ZNF250: variants seen among roughly 807,000 people sequenced by gnomAD.
The protein encoded by ZNF250 is zinc finger protein (clone 647).
A neutral mutation model predicts 37.1 loss-of-function variants in ZNF250; 13 were observed. That is an observed-to-expected ratio of 0.35 (90% CI 0.23 to 0.56). The LOEUF (loss-of-function observed/expected upper bound fraction) is 0.56, where lower values mean the gene tolerates loss of function less well. Ranked by LOEUF, ZNF250 falls within the 20% of genes least tolerant of loss-of-function variation. ZNF250 has a pLI of 0.87. For synonymous variants in ZNF250, 251 were observed against 265.6 expected, an observed-to-expected ratio of 0.94 and a Z score of 0.54; for missense variants, 474 against 697.9, an observed-to-expected ratio of 0.68 and a Z score of 3.61.
Position 144,876,999 on chromosome 8 carries a change from G to GAAAT in ZNF250, c.*4512_*4515dup, listed in dbSNP as rs1052524566. 1.3e-5 allele frequency: 2 copies of GAAAT among 152,322 alleles called. No individual in the cohort carries two copies. Among genetic ancestry groups the GAAAT allele is most frequent in the African/African-American group, 4.8e-5 (2 of 41,572 alleles). The allele number at this position is 152,322 out of a possible 1,614,324, so 9.4% of individuals were successfully genotyped here. ...ATTGGAAAGCGTCAGATTATACACA[G>GAAAT]AAATTCCAGGCAGACTAAAATGTTT... On this transcript the variant is annotated 3_prime_UTR_variant, in exon 6 of 6. Coordinates refer to ENST00000417550, the MANE Select transcript of ZNF250 (RefSeq NM_001109689.4).
chr8:144,890,318 G>A lies in ZNF250; in HGVS notation c.32C>T (p.Ala11Val). 1 of 1,515,364 alleles carries A rather than the reference G, an allele frequency of 6.6e-7. No individual in the cohort carries two copies. The highest frequency in any genetic ancestry group is 1.4e-5 in the African/African-American group (1 of 72,136). The allele number at this position is 1,515,364 out of a possible 1,614,324, so 93.9% of individuals were successfully genotyped here. MAAARLLPVP[A>V]GPQAKLTFED... ...CTGGGGACAGCTTACCTGGGGTCCT[G>A]CCGGCACTGGCAGGAGTCTGGCTGC... Residue 11 changes from alanine (A) to valine (V), a missense_variant, in exon 2 of 6, where the codon GCA (alanine) becomes GTA (valine). Around this residue, in one of 2 missense-constraint regions of ZNF250, gnomAD observed 192 missense variants for 227.5 expected, o/e 0.84. Transcript: ENST00000417550. This position sits in a 1 kb window ranked among gnomAD's most constrained non-coding sequence, Gnocchi z 5.1.
In ZNF250 at chr8:144,891,927, AG is replaced by A. The variant is rs769478967; in HGVS notation, c.-54-1525del. Among the ~76,000 whole-genome samples the A allele has an allele frequency of 9.9e-5, 15 of 152,220 alleles. No individual in the cohort carries two copies. Among genetic ancestry groups the A allele is most frequent in the Non-Finnish European group, 2.1e-4 (14 of 68,040 alleles). On this transcript the variant is annotated intron_variant, in intron 1 of 5. Transcript: ENST00000417550. This position sits in a 1 kb window ranked among gnomAD's most constrained non-coding sequence, Gnocchi z 4.0. ...GTAATCCCAACTACTCAGGAGGCTAAGGCAGGAGAATCACTTGAACCCAGGA... is the reference window on the plus strand; with the variant it reads ...GTAATCCCAACTACTCAGGAGGCTAAGCAGGAGAATCACTTGAACCCAGGA...
intron 1 of ZNF250, among the ~76,000 whole-genome samples, chr8:144,896,294 C>T (rs976693327): frequency 6.6e-6 from 1 of 151,838 alleles, no homozygotes; most frequent in African/African-American, 2.4e-5. Flanking sequence ...CTGCAGTAAG[C>T]TGTAACTGCA....
chr8:144,879,316 C>A lies in ZNF250; in HGVS notation c.*2199G>T, dbSNP rs1563870379. On this transcript the variant is annotated 3_prime_UTR_variant, in exon 6 of 6. Transcript: ENST00000417550. ...CAAGTTAACCAATCAGTTACCAGTT[C>A]CTCTCTGGAGTTAATAATTCACTGT... The A allele has an allele frequency of 6.6e-6, 1 of 152,254 alleles. No individual in the cohort carries two copies. Among genetic ancestry groups the A allele is most frequent in the Non-Finnish European group, 1.5e-5 (1 of 68,058 alleles). The allele number at this position is 152,254 out of a possible 1,614,324, so 9.4% of individuals were successfully genotyped here.
chr8:144,892,429 A>AAGCCAGAC (rs1832409507), intron 1 of ZNF250, among the ~76,000 whole-genome samples: 1 of 152,238 alleles, frequency 6.6e-6, no homozygotes, highest in Non-Finnish European at 1.5e-5. Flanking sequence ...GGAACAGATG[A>AAGCCAGAC]AGCCAGACAG....
At position 144,877,252 on chromosome 8, in the gene ZNF250, A is replaced by G. The variant is rs1463829795; in HGVS notation, c.*4263T>C. On this transcript the variant is annotated 3_prime_UTR_variant, in exon 6 of 6. Transcript: ENST00000417550. ...CAGGCGCAAGCCACAACACCCAGCT[A>G]ATTTTTTTTTTGTAGAGACGGGTTT... The G allele has an allele frequency of 6.6e-6, 1 of 152,012 alleles. No homozygotes were observed. The highest frequency in any genetic ancestry group is 1.5e-5 in the Non-Finnish European group (1 of 68,010). 9.4% of individuals were successfully genotyped at this position (152,012 alleles called of 1,614,324 possible).
chr8:144,888,597 A>AGC (rs1563889618), intron 4 of ZNF250, among the ~76,000 whole-genome samples: 13 of 114,598 alleles, frequency 1.1e-4, no homozygotes, highest in Non-Finnish European at 1.4e-4. Context: ...GACTGTCTCA[A>AGC]AAAAAAAAAA....
intron 4 of ZNF250, among the ~76,000 whole-genome samples, chr8:144,887,417 G>A (rs188907376): frequency 2.7e-3 from 409 of 152,186 alleles, no homozygotes; most frequent in Non-Finnish European, 4.9e-3. Context: ...TCTACTCCTC[G>A]CTTGCTCTGA....
rs1360010591 is a variant in ZNF250, at chr8:144,901,146, G to C, written c.-55+253C>G. Among the ~76,000 whole-genome samples the C allele has an allele frequency of 6.6e-6, 1 of 152,126 alleles. No individual in the cohort carries two copies. Among genetic ancestry groups the C allele is most frequent in the Non-Finnish European group, 1.5e-5 (1 of 68,000 alleles). On this transcript the variant is annotated intron_variant, in intron 1 of 5. Transcript: ENST00000417550. This position sits in a 1 kb window ranked among gnomAD's most constrained non-coding sequence, Gnocchi z 5.4. ...GACCGAGGCCGTCCGAGGCGGACGG[G>C]GGTGCGGGAGGGCCTGAGGGGGTCC...
rs1164966874 is a variant in ZNF250 at position 144,890,275 on chromosome 8, G to A, written c.42+33C>T. The A allele has an allele frequency of 1.3e-6, 2 of 1,548,696 alleles. No homozygotes were observed. Among genetic ancestry groups the A allele is most frequent in the African/African-American group, 1.4e-5 (1 of 73,714 alleles). ...CGGAAGGAACCACAGGGCTCGGGCT[G>A]GGGGCACTGCATAAGCACTGGGGAC... On this transcript the variant is annotated intron_variant, in intron 2 of 5. Transcript: ENST00000417550. This position sits in a 1 kb window ranked among gnomAD's most constrained non-coding sequence, Gnocchi z 5.1.
At chr8:144,893,284 C>T (rs1376350322) in intron 1 of ZNF250, among the ~76,000 whole-genome samples, 1 of 152,166 alleles carries the variant, frequency 6.6e-6, no homozygotes, top group Non-Finnish European at 1.5e-5. Flanking sequence ...GCCTTCTCTC[C>T]TGCCACACCC....
In ZNF250 at chr8:144,890,276, G is replaced by T; in HGVS notation, c.42+32C>A. The T allele has an allele frequency of 1.3e-6, 2 of 1,551,498 alleles. No individual in the cohort carries two copies. Among genetic ancestry groups the T allele is most frequent in the Non-Finnish European group, 1.7e-6 (2 of 1,142,890 alleles). On this transcript the variant is annotated intron_variant, in intron 2 of 5. Coordinates refer to ENST00000417550, the MANE Select transcript of ZNF250 (RefSeq NM_001109689.4). The surrounding 1 kb of genome is among the most constrained non-coding windows in gnomAD (Gnocchi z 5.1). ...GGAAGGAACCACAGGGCTCGGGCTG[G>T]GGGCACTGCATAAGCACTGGGGACA...
chr8:144,892,788 C>A (rs925422368), intron 1 of ZNF250, among the ~76,000 whole-genome samples: 1 of 151,924 alleles, frequency 6.6e-6, no homozygotes, highest in African/African-American at 2.4e-5. Flanking sequence ...GAACTCCCGA[C>A]CTCAGGTGAT....
chr8:144,895,789 C>A (rs1006849368), intron 1 of ZNF250, among the ~76,000 whole-genome samples: 11 of 150,512 alleles, frequency 7.3e-5, no homozygotes, highest in Non-Finnish European at 1.5e-4. Context: ...GCGGGCGGAT[C>A]AAAAGGTCAG....
intron 4 of ZNF250, among the ~76,000 whole-genome samples, 186 bp downstream of exon 4, chr8:144,889,395 C>T (rs1832146829): frequency 6.6e-6 from 1 of 152,244 alleles, no homozygotes. Context: ...TGCTCACTTC[C>T]AGCCATGGGC....
chr8:144,889,356 G>A (rs1172996828), intron 4 of ZNF250, among the ~76,000 whole-genome samples: 2 of 152,234 alleles, frequency 1.3e-5, no homozygotes, highest in African/African-American at 2.4e-5. Flanking sequence ...ACATGGCTCT[G>A]CACATCAGCT....
At position 144,882,781 on chromosome 8, in the gene ZNF250, A is replaced by G. The variant is rs1008299613; in HGVS notation, c.402T>C (p.Ile134=). The part of the protein sequence containing the change: ...QNTDLSPKPL[I]SEQTVILGKT... ...TCCCCAGAATCACTGTTTGCTCTGA[A>G]ATTAATGGCTTCGGACTCAAGTCTG... Residue 134 remains isoleucine, a synonymous_variant, in exon 6 of 6, where the codon ATT becomes ATC. Coordinates refer to ENST00000417550, the MANE Select transcript of ZNF250 (RefSeq NM_001109689.4). This position sits in a 1 kb window ranked among gnomAD's most constrained non-coding sequence, Gnocchi z 5.5. 11 of 1,613,872 alleles carry G rather than the reference A, an allele frequency of 6.8e-6. No homozygotes were observed. Among genetic ancestry groups the G allele is most frequent in the Non-Finnish European group, 9.3e-6 (11 of 1,179,822 alleles).
chr8:144,898,512 C>T (rs997263253), intron 1 of ZNF250, among the ~76,000 whole-genome samples: 1 of 152,146 alleles, frequency 6.6e-6, no homozygotes, highest in Non-Finnish European at 1.5e-5. Flanking sequence ...CAAGGAAACA[C>T]TTGAGGACAC....
chr8:144,881,249 T>C lies in ZNF250; in HGVS notation c.*266A>G, dbSNP rs1831444491. ...TTCAAATAAACTAATGTTAAAGAAT[T>C]ATGGCTGTTTTTTACCAAAATTCTC... On this transcript the variant is annotated 3_prime_UTR_variant, in exon 6 of 6. Coordinates refer to ENST00000417550, the MANE Select transcript of ZNF250 (RefSeq NM_001109689.4). 2.8e-6 allele frequency: 1 copy of C among 363,500 alleles called. No homozygotes were observed. The highest frequency in any genetic ancestry group is 4.3e-5 in the Admixed American group (1 of 23,352). The allele number at this position is 363,500 out of a possible 1,614,324, so 22.5% of individuals were successfully genotyped here.
Sources: allele counts gnomAD v4.1 joint callset (sites outside exome capture counted in the v4.1 genomes callset), GRCh38; gene constraint gnomAD v4.1.1; regional missense constraint gnomAD v4.1.1; non-coding constraint Gnocchi (gnomAD v3.1); transcripts MANE v1.5; gene names NCBI Gene and HGNC (gene_info 2026-07-23, HGNC 2026-07-21).